Variants in ACOXL observed in about 807,000 individuals in gnomAD.
ACOXL encodes acyl-coenzyme A oxidase-like protein.
In ACOXL, 70 loss-of-function variants were observed where a neutral mutation model predicts 71.9. The ratio of observed to expected loss-of-function variants is 0.97; its 90% CI spans 0.80 to 1.19. The LOEUF is 1.19. Among genes scored for constraint, ACOXL ranks in the 50% most tolerant of loss-of-function variants. The probability of loss-of-function intolerance (pLI) is 0.00; values close to 1 mark genes in which losing one functional copy is unlikely to be tolerated. For missense variants in ACOXL, 703 were observed against 736.3 expected (o/e 0.95, Z 0.52); for synonymous variants, 253 against 281.6 (o/e 0.90, Z 1.02).
intron 1 of ACOXL, among the ~76,000 whole-genome samples, chr2:110,746,414 A>C (rs751128149): frequency 2.0e-5 from 3 of 152,064 alleles, no homozygotes; most frequent in Admixed American, 6.5e-5. Flanking sequence ...CCCAAGATCC[A>C]ACTACAATTC....
At chr2:110,769,353 A>G (rs926113626) in intron 2 of ACOXL, among the ~76,000 whole-genome samples, 3 of 152,154 alleles carry the variant, frequency 2.0e-5, no homozygotes, top group African/African-American at 4.8e-5. Context: ...TATATAGGAA[A>G]AAATATACCT....
intron 12 of ACOXL, among the ~76,000 whole-genome samples, chr2:110,934,128 A>G (rs2060578213): frequency 6.6e-6 from 1 of 152,170 alleles, no homozygotes; most frequent in African/African-American, 2.4e-5. Context: ...AAATCCCAAT[A>G]TGAATATTTG....
chr2:110,977,401 A>AG (rs1374030611), intron 12 of ACOXL, among the ~76,000 whole-genome samples: 1 of 151,532 alleles, frequency 6.6e-6, no homozygotes, highest in East Asian at 1.9e-4. Context: ...AAAAAGAAAA[A>AG]ACACAAAAAA....
In ACOXL at chr2:110,963,642, C is replaced by T. The variant is rs749080854; in HGVS notation, c.1060-23466C>T. 1.1e-5 allele frequency: 17 copies of T among 1,611,488 alleles called. No individual in the cohort carries two copies. The Admixed American group carries it at 1.3e-4, about 13-fold the overall frequency. ...GCAACAGGGTTACATGATGGAAAAT[C>T]GAATCTCAGGCTTAAAGTGTGACAC... On this transcript the variant is annotated intron_variant, in intron 12 of 17. Transcript: ENST00000439055.
chr2:110,998,424 A>G (rs1225822722), intron 14 of ACOXL, among the ~76,000 whole-genome samples: 3 of 152,252 alleles, frequency 2.0e-5, no homozygotes, highest in Non-Finnish European at 4.4e-5. Flanking sequence ...TGTTCTCAGA[A>G]GACTCAAAGA....
chr2:110,905,560 G>T (rs1323378595), intron 10 of ACOXL, among the ~76,000 whole-genome samples: 1 of 152,152 alleles, frequency 6.6e-6, no homozygotes, highest in African/African-American at 2.4e-5. Context: ...CACAGTTACA[G>T]AACATAATTA....
chr2:110,763,690 T>C (rs981519474), intron 1 of ACOXL, among the ~76,000 whole-genome samples: 1 of 152,176 alleles, frequency 6.6e-6, no homozygotes, highest in African/African-American at 2.4e-5. Context: ...AATTGGTAAA[T>C]TGAATTTTAT....
chr2:110,952,953 T>A (rs1187086710), intron 12 of ACOXL, among the ~76,000 whole-genome samples: 1 of 152,258 alleles, frequency 6.6e-6, no homozygotes, highest in African/African-American at 2.4e-5. Flanking sequence ...TATTTTAATT[T>A]CCATAGTGAC....
intron 2 of ACOXL, among the ~76,000 whole-genome samples, chr2:110,777,156 G>A (rs1399262230): frequency 6.6e-6 from 1 of 152,120 alleles, no homozygotes; most frequent in Non-Finnish European, 1.5e-5. Context: ...AAACATGTTT[G>A]CGATGTTTAG....
chr2:110,923,926 G>A (rs1307756153), intron 11 of ACOXL, among the ~76,000 whole-genome samples: 1 of 149,410 alleles, frequency 6.7e-6, no homozygotes, highest in Non-Finnish European at 1.5e-5. Flanking sequence ...ATAAGAGCGA[G>A]ACTCCATCTC....
chr2:110,757,623 T>C (rs996225373), intron 1 of ACOXL, among the ~76,000 whole-genome samples: 3 of 152,230 alleles, frequency 2.0e-5, no homozygotes, highest in Non-Finnish European at 4.4e-5. Context: ...TCTCATGGTT[T>C]TGACGTGCAT....
At chr2:110,883,356 C>T (rs1209527804) in intron 10 of ACOXL, among the ~76,000 whole-genome samples, 1 of 152,068 alleles carries the variant, frequency 6.6e-6, no homozygotes, top group Admixed American at 6.6e-5. Context: ...GCAATCCACC[C>T]GCCTCAGCAT....
intron 10 of ACOXL, among the ~76,000 whole-genome samples, chr2:110,847,810 C>T (rs548885948): frequency 1.7e-4 from 26 of 152,206 alleles, no homozygotes; most frequent in Admixed American, 1.0e-3. Flanking sequence ...ACAGTGTGAC[C>T]GTCCTGAGCT....
At chr2:110,880,153 C>CAAAAACAAAA (rs1696452691) in intron 10 of ACOXL, among the ~76,000 whole-genome samples, 1 of 84,738 alleles carries the variant, frequency 1.2e-5, no homozygotes, top group Non-Finnish European at 2.3e-5. Context: ...CTGTCACAAA[C>CAAAAACAAAA]AAAAAAAAAA....
At chr2:111,065,604 C>T (rs992321047) in intron 16 of ACOXL, among the ~76,000 whole-genome samples, 6 of 152,122 alleles carry the variant, frequency 3.9e-5, no homozygotes, top group Admixed American at 2.6e-4. Context: ...GATATGTTTG[C>T]AAAGCACATA....
At chr2:111,051,193 ATTT>A (rs1002230516) in intron 16 of ACOXL, among the ~76,000 whole-genome samples, 4 of 151,566 alleles carry the variant, frequency 2.6e-5, no homozygotes, top group African/African-American at 7.2e-5. Context: ...TACTGAAACT[ATTT>A]TATGATTTTT....
At chr2:111,006,580 A>G (rs1215064578) in intron 14 of ACOXL, among the ~76,000 whole-genome samples, 1 of 147,762 alleles carries the variant, frequency 6.8e-6, no homozygotes, top group Non-Finnish European at 1.5e-5. Flanking sequence ...CTTTTTTGAG[A>G]TGAAGTCTCG....
chr2:110,985,318 A>G (rs1439394723), intron 12 of ACOXL, among the ~76,000 whole-genome samples: 6 of 152,176 alleles, frequency 3.9e-5, no homozygotes, highest in South Asian at 2.1e-4. Flanking sequence ...GTGATTCTCA[A>G]TCTCACTGGA....
At chr2:111,111,791 T>C (rs2069983935) in intron 17 of ACOXL, among the ~76,000 whole-genome samples, 2 of 152,168 alleles carry the variant, frequency 1.3e-5, no homozygotes, top group Admixed American at 1.3e-4. Context: ...CCCATGATAA[T>C]AACAATAATA....
Sources: allele counts gnomAD v4.1 joint callset (sites outside exome capture counted in the v4.1 genomes callset), GRCh38; gene constraint gnomAD v4.1.1; transcripts MANE v1.5; gene names NCBI Gene and HGNC (gene_info 2026-07-23, HGNC 2026-07-21).